The following KCNH8 variants were observed in gnomAD, a reference collection of about 807,000 sequenced individuals.
The protein encoded by KCNH8 is potassium voltage-gated channel subfamily H member 8, also known as voltage-gated delayed rectifier potassium channel KCNH8.
A neutral mutation model predicts 103.6 loss-of-function variants in KCNH8; 70 were observed. The observed-to-expected ratio is 0.68, with a 90% CI of 0.56 to 0.82. KCNH8 has a LOEUF of 0.82. KCNH8 is among the 40% of genes least tolerant of loss of function. KCNH8 has a pLI of 0.00. For synonymous variants in KCNH8, 498 were observed against 489.4 expected (o/e 1.02, Z -0.23); for missense variants, 1,217 against 1,329.9 (o/e 0.92, Z 1.32).
intron 1 of KCNH8, among the ~76,000 whole-genome samples, chr3:19,194,775 T>TA (rs2063585351): frequency 1.3e-5 from 2 of 151,658 alleles, no homozygotes; most frequent in South Asian, 4.1e-4. Context: ...CATCTGAATC[T>TA]AAAATATAAG....
At chr3:19,324,172 G>A (rs969966359) in intron 3 of KCNH8, among the ~76,000 whole-genome samples, 1 of 152,154 alleles carries the variant, frequency 6.6e-6, no homozygotes, top group African/African-American at 2.4e-5. Context: ...GCAGGTCTTG[G>A]TGTGGCTGCT....
Position 19,450,022 on chromosome 3 carries a change from C to A in KCNH8, c.1376-84C>A, listed in dbSNP as rs558731940. On this transcript the variant is annotated intron_variant, in intron 8 of 15. Transcript: ENST00000328405. ...TAACCATGCTCTGCTCTGCTCTGAT[C>A]CAGGATAAACTGTAAATTTAGATTT... is the stretch of plus-strand genomic sequence containing the variant. The A allele has an allele frequency of 1.4e-5, 16 of 1,159,324 alleles. 1 individual carries two copies. The South Asian group carries it at 2.1e-4, about 15-fold the overall frequency. 71.8% of individuals were successfully genotyped at this position (1,159,324 alleles called of 1,614,324 possible). A position where few individuals can be genotyped will look rare whatever the true frequency, so the allele number is the denominator to read the frequency against.
At chr3:19,262,304 T>C (rs1167978009) in intron 2 of KCNH8, among the ~76,000 whole-genome samples, 1 of 152,034 alleles carries the variant, frequency 6.6e-6, no homozygotes, top group Non-Finnish European at 1.5e-5. Flanking sequence ...TAGCTTTCAG[T>C]GTAGATATCC....
rs115908803 is a variant in KCNH8, at chr3:19,494,375, T to C, written c.2041-15988T>C. 9.5e-3 allele frequency among the ~76,000 whole-genome samples: 1,450 copies of C among 152,084 alleles called. 19 individuals carry two copies. Among genetic ancestry groups the C allele is most frequent in the South Asian group, 0.02 (95 of 4,808 alleles). On this transcript the variant is annotated intron_variant, in intron 11 of 15. Transcript: ENST00000328405. ...TCATGATGGTAAATGGGTCTCATGA[T>C]GGCCAATGATTTTGAAAACAGGAGT...
chr3:19,227,502 C>T (rs2125235856), intron 1 of KCNH8, among the ~76,000 whole-genome samples: 1 of 152,250 alleles, frequency 6.6e-6, no homozygotes, highest in East Asian at 1.9e-4. Flanking sequence ...AATATCATTG[C>T]TTTATTTCTG....
At chr3:19,221,831 A>AACACTAGC (rs1220966754) in intron 1 of KCNH8, among the ~76,000 whole-genome samples, 3 of 152,044 alleles carry the variant, frequency 2.0e-5, no homozygotes, top group African/African-American at 7.2e-5. Flanking sequence ...AGAAAAAAAT[A>AACACTAGC]ACACTAGCAT....
At chr3:19,185,193 A>G (rs1439187895) in intron 1 of KCNH8, among the ~76,000 whole-genome samples, 2 of 151,926 alleles carry the variant, frequency 1.3e-5, no homozygotes, top group South Asian at 2.1e-4. Context: ...TTAACTTTCT[A>G]AAGTCCTGCC....
intron 1 of KCNH8, among the ~76,000 whole-genome samples, chr3:19,180,263 TTCAAAGGGCCAAGACAGACTTGGCC>T (rs2063438611): frequency 1.8e-4 from 2 of 11,368 alleles, no homozygotes; most frequent in Admixed American, 2.3e-3. Flanking sequence ...GACTTGGCCC[TTCAAAGGGCCAAGACAGACTTGGCC>T]CTTCAAAGGG....
chr3:19,382,755 C>T (rs1434121550), intron 5 of KCNH8, among the ~76,000 whole-genome samples: 1 of 152,094 alleles, frequency 6.6e-6, no homozygotes, highest in East Asian at 1.9e-4. Context: ...CTGTTAGCCC[C>T]TCTGCTCTAT....
rs751609797 is a variant in KCNH8, at chr3:19,451,317, C to T, written c.1738C>T (p.Arg580Cys). 17 of 1,613,758 alleles carry T rather than the reference C, an allele frequency of 1.1e-5. No individual in the cohort carries two copies. The highest frequency in any genetic ancestry group is 2.2e-5 in the East Asian group (1 of 44,870). The change falls in exon 10 of 16, where the codon CGT (arginine) becomes TGT (cysteine). Residue 580 changes from arginine to cysteine, a missense_variant. Transcript: ENST00000328405. ...SFCAPGEYLL[R>C]QGDALQAIYF... ...CTGTGCTCCGGGGGAGTATCTGCTGCGTCAAGGGGATGCTTTGCAGGCCAT... is the reference window on the plus strand; with the variant it reads ...CTGTGCTCCGGGGGAGTATCTGCTGTGTCAAGGGGATGCTTTGCAGGCCAT...
At chr3:19,242,935 C>T (rs2064160267) in intron 1 of KCNH8, among the ~76,000 whole-genome samples, 1 of 152,162 alleles carries the variant, frequency 6.6e-6, no homozygotes. Flanking sequence ...CTGTAGTTCA[C>T]CTCTAGCCAT....
intron 1 of KCNH8, among the ~76,000 whole-genome samples, chr3:19,234,115 C>T (rs1038584190): frequency 6.6e-6 from 1 of 152,168 alleles, no homozygotes; most frequent in Non-Finnish European, 1.5e-5. Flanking sequence ...ATTGGTAGGG[C>T]CCAGTGGTCT....
intron 7 of KCNH8, among the ~76,000 whole-genome samples, chr3:19,423,442 C>G (rs938748087): frequency 1.3e-5 from 2 of 151,858 alleles, no homozygotes; most frequent in Non-Finnish European, 2.9e-5. Flanking sequence ...CTCCTTCCAC[C>G]CTTCCCCCTG....
intron 8 of KCNH8, among the ~76,000 whole-genome samples, chr3:19,449,697 T>G (rs565826465): frequency 6.6e-6 from 1 of 152,174 alleles, no homozygotes; most frequent in South Asian, 2.1e-4. Context: ...AACTATAACT[T>G]TATAGCTTTT....
At chr3:19,456,736 T>A (rs1559336099) in intron 10 of KCNH8, 32 bp from the exon 11 acceptor site, 1 of 1,499,930 alleles carries the variant, frequency 6.7e-7, no homozygotes, top group Non-Finnish European at 9.3e-7. Context: ...TTGCTTTTTT[T>A]TTTTGAAAAT....
At chr3:19,420,990 A>G (rs2066942681) in intron 7 of KCNH8, among the ~76,000 whole-genome samples, 2 of 152,138 alleles carry the variant, frequency 1.3e-5, no homozygotes, top group South Asian at 2.1e-4. Flanking sequence ...TACGTGTGTT[A>G]AGAGAGAAGG....
At chr3:19,486,988 G>C (rs375798554) in intron 11 of KCNH8, among the ~76,000 whole-genome samples, 3 of 152,170 alleles carry the variant, frequency 2.0e-5, no homozygotes, top group South Asian at 4.1e-4. Flanking sequence ...GCTGAAGTAG[G>C]ACATCCGTAC....
chr3:19,383,999 C>T (rs1239202417), intron 5 of KCNH8, among the ~76,000 whole-genome samples: 2 of 152,120 alleles, frequency 1.3e-5, no homozygotes, highest in East Asian at 3.9e-4. Flanking sequence ...TCACACATCA[C>T]TGAAAAAGTG....
intron 11 of KCNH8, among the ~76,000 whole-genome samples, chr3:19,461,342 T>C (rs2067624158): frequency 6.6e-6 from 1 of 152,180 alleles, no homozygotes; most frequent in Non-Finnish European, 1.5e-5. Context: ...TCTATAAGTT[T>C]GTACCTAGGG....
Sources: gnomAD v4.1 joint callset for allele counts (sites outside exome capture counted in the v4.1 genomes callset) on GRCh38, gnomAD v4.1.1 for gene constraint, MANE v1.5 for transcripts, NCBI Gene and HGNC (gene_info 2026-07-23, HGNC 2026-07-21) for gene names.